The following BAZ2B variants were observed in gnomAD, a reference collection of about 807,000 sequenced individuals.
BAZ2B encodes the protein bromodomain adjacent to zinc finger domain protein 2B.
Under a neutral mutation model 246.0 loss-of-function variants are expected in BAZ2B, and 91 were observed. The ratio of observed to expected loss-of-function variants is 0.37; its 90% CI spans 0.31 to 0.44. The LOEUF (loss-of-function observed/expected upper bound fraction) is 0.44, where lower values mean the gene tolerates loss of function less well. Ranked by LOEUF, BAZ2B falls within the 20% of genes least tolerant of loss-of-function variation. The probability of loss-of-function intolerance (pLI) is 1.00; values close to 1 mark genes in which losing one functional copy is unlikely to be tolerated. For synonymous variants in BAZ2B, 855 were observed against 860.0 expected, an observed-to-expected ratio of 0.99 and a Z score of 0.10; for missense variants, 2,332 against 2,533.7, an observed-to-expected ratio of 0.92 and a Z score of 1.71.
intron 31 of BAZ2B, among the ~76,000 whole-genome samples, chr2:159,339,041 A>G (rs1337231048): frequency 6.6e-6 from 1 of 152,178 alleles, no homozygotes; most frequent in Non-Finnish European, 1.5e-5. Flanking sequence ...TATTAAATGA[A>G]AAATGGAATA....
At chr2:159,489,902 C>T (rs1232882413) in intron 2 of BAZ2B, among the ~76,000 whole-genome samples, 1 of 152,010 alleles carries the variant, frequency 6.6e-6, no homozygotes, top group East Asian at 1.9e-4. Context: ...GAGAGTGAGA[C>T]CCTGTCTCAA....
chr2:159,389,247 A>G, intron 21 of BAZ2B, 98 bp downstream of exon 21: 1 of 1,241,242 alleles, frequency 8.1e-7, no homozygotes, highest in South Asian at 2.0e-5. Context: ...GTTAAAAATG[A>G]AAGGCTTTCA....
At chr2:159,488,417 G>T (rs2080082174) in intron 2 of BAZ2B, among the ~76,000 whole-genome samples, 1 of 151,958 alleles carries the variant, frequency 6.6e-6, no homozygotes, top group African/African-American at 2.4e-5. Context: ...AACACTTCAG[G>T]TGATGGATAT....
chr2:159,548,472 C>T (rs2087680705), intron 2 of BAZ2B, among the ~76,000 whole-genome samples: 1 of 152,048 alleles, frequency 6.6e-6, no homozygotes, highest in African/African-American at 2.4e-5. Context: ...GATATTTGAC[C>T]TTTCCAAGTC....
downstream of BAZ2B, among the ~76,000 whole-genome samples, chr2:159,316,911 G>C (rs1219655044): frequency 6.6e-6 from 1 of 151,770 alleles, no homozygotes; most frequent in Non-Finnish European, 1.5e-5. Flanking sequence ...TGAGGCACAA[G>C]AATCACTTGA....
intron 36 of BAZ2B, among the ~76,000 whole-genome samples, chr2:159,321,362 TA>T (rs2062695451): frequency 6.6e-6 from 1 of 152,054 alleles, no homozygotes; most frequent in Non-Finnish European, 1.5e-5. Context: ...TCAAAAAAAC[TA>T]AAAACAGAGC....
rs762040174 is a variant in BAZ2B at position 159,382,580 on chromosome 2, CT to C, written c.3983del (p.Lys1328ArgfsTer27). 1 of 1,551,282 alleles carries C rather than the reference CT, an allele frequency of 6.4e-7. No homozygotes were observed. Reference sequence around the variant, plus strand: ...TTACCTCATCTTCACAGATATCAGTCTTTTTTCCTTTTTTGTCTTCTTTATC... The same window carrying C: ...TTACCTCATCTTCACAGATATCAGTCTTTTTCCTTTTTTGTCTTCTTTATC... ...EEDKEDKKGK[K>X]TDICEDEDEG... On this transcript the variant is annotated frameshift_variant, in exon 25 of 37. Coordinates refer to ENST00000392783, the MANE Select transcript of BAZ2B (RefSeq NM_013450.4). LOFTEE classifies it high-confidence loss of function.
At chr2:159,405,518 T>C (rs1045252626) in intron 14 of BAZ2B, among the ~76,000 whole-genome samples, 2 of 152,114 alleles carry the variant, frequency 1.3e-5, no homozygotes, top group Non-Finnish European at 2.9e-5. Flanking sequence ...GCCGAGGATA[T>C]AATATTTAAG....
chr2:159,350,064 T>C lies in BAZ2B; in HGVS notation c.4507A>G (p.Ser1503Gly). The C allele has an allele frequency of 6.2e-7, 1 of 1,614,158 alleles. No homozygotes were observed. The highest frequency in any genetic ancestry group is 1.7e-5 in the Admixed American group (1 of 60,004). ...ANGCTLSYQN[S>G]GKHSLGSVQS... ...ACGCTGCCCAGTGAATGTTTTCCAC[T>C]GTTCTGATAAGACAACGTGCACCCA... is the stretch of plus-strand genomic sequence containing the variant. The change falls in exon 28 of 37, where the codon AGT becomes GGT. Residue 1503 changes from serine to glycine, a missense_variant. Physicochemically the swap from Ser to Gly is moderately conservative, Grantham distance 56. Around this residue, in one of 9 missense-constraint regions of BAZ2B, gnomAD observed 676 missense variants for 668.6 expected, o/e 1.01. Coordinates refer to ENST00000392783, the MANE Select transcript of BAZ2B (RefSeq NM_013450.4).
At chr2:159,462,669 C>T (rs2076555652) in intron 3 of BAZ2B, 2 of 1,153,530 alleles carry the variant, frequency 1.7e-6, no homozygotes, top group African/African-American at 3.0e-5. Context: ...TAATAGTGAA[C>T]CTGAATCTTA....
chr2:159,642,755 G>A, the BAZ2B span, among the ~76,000 whole-genome samples: 2 of 152,214 alleles, frequency 1.3e-5, no homozygotes, highest in Non-Finnish European at 2.9e-5. Flanking sequence ...AGAGTAGGAT[G>A]AACAGTGCTT....
At chr2:159,450,913 T>C (rs1367370427) in intron 4 of BAZ2B, among the ~76,000 whole-genome samples, 1 of 152,014 alleles carries the variant, frequency 6.6e-6, no homozygotes, top group Non-Finnish European at 1.5e-5. Context: ...CTAATTTTTG[T>C]AGTTTTGGTA....
chr2:159,335,855 A>G (rs2065577200), intron 33 of BAZ2B, among the ~76,000 whole-genome samples: 2 of 152,290 alleles, frequency 1.3e-5, no homozygotes, highest in African/African-American at 4.8e-5. Flanking sequence ...TTTTAAAGCT[A>G]GTCTGTAATT....
the BAZ2B span, among the ~76,000 whole-genome samples, chr2:159,661,557 C>T: frequency 6.6e-6 from 1 of 151,984 alleles, no homozygotes; most frequent in Non-Finnish European, 1.5e-5. Flanking sequence ...TTTTATATTC[C>T]CACACATAGG....
chr2:159,588,924 T>C (rs559538857), intron 1 of BAZ2B, among the ~76,000 whole-genome samples: 4 of 152,208 alleles, frequency 2.6e-5, no homozygotes, highest in Non-Finnish European at 4.4e-5. Flanking sequence ...CTTAGGGAGA[T>C]ATACATAAGC....
At chr2:159,530,743 G>A (rs893245262) in intron 2 of BAZ2B, among the ~76,000 whole-genome samples, 48 of 152,256 alleles carry the variant, frequency 3.2e-4, no homozygotes, top group African/African-American at 9.6e-4. Context: ...GCCAAGGTTG[G>A]TGGATCACTT....
intron 3 of BAZ2B, among the ~76,000 whole-genome samples, chr2:159,478,024 G>A (rs1362765800): frequency 2.0e-5 from 3 of 152,194 alleles, no homozygotes; most frequent in African/African-American, 7.2e-5. Context: ...GTTTCCCCAT[G>A]TTAGTCAGGC....
At chr2:159,415,195 C>T (rs1308086440) in intron 13 of BAZ2B, among the ~76,000 whole-genome samples, 1 of 152,042 alleles carries the variant, frequency 6.6e-6, no homozygotes, top group African/African-American at 2.4e-5. Flanking sequence ...GCCTATAACA[C>T]CAGCACTTTG....
At chr2:159,521,108 C>A (rs1395375013) in intron 2 of BAZ2B, among the ~76,000 whole-genome samples, 1 of 151,908 alleles carries the variant, frequency 6.6e-6, no homozygotes, top group Non-Finnish European at 1.5e-5. Flanking sequence ...ATAAGGAAAA[C>A]CACTCCTAAT....
Sources: allele counts gnomAD v4.1 joint callset (sites outside exome capture counted in the v4.1 genomes callset), GRCh38; gene constraint gnomAD v4.1.1; regional missense constraint gnomAD v4.1.1; transcripts MANE v1.5; gene names NCBI Gene and HGNC (gene_info 2026-07-23, HGNC 2026-07-21).